The following RAB31 variants were observed in gnomAD, a reference collection of about 807,000 sequenced individuals.
RAB31 encodes ras-related protein Rab-31.
In RAB31, 21 loss-of-function variants were observed where a neutral mutation model predicts 25.6. The observed-to-expected ratio is 0.82, with a 90% confidence interval of 0.58 to 1.18. RAB31 has a LOEUF of 1.18. RAB31 is among the 50% of genes most tolerant of loss of function. RAB31 has a pLI of 0.00. For missense variants in RAB31, 196 were observed against 250.1 expected, an observed-to-expected ratio of 0.78 and a Z score of 1.46; for synonymous variants, 87 against 84.0, an observed-to-expected ratio of 1.04 and a Z score of -0.20.
intron 3 of RAB31, among the ~76,000 whole-genome samples, chr18:9,809,235 T>G (rs984127388): frequency 2.6e-4 from 40 of 152,322 alleles, no homozygotes; most frequent in African/African-American, 9.6e-4. Flanking sequence ...CCCCACCCAC[T>G]GCACCAGTTT....
At chr18:9,782,942 G>A (rs191312649) in intron 2 of RAB31, among the ~76,000 whole-genome samples, 1 of 152,232 alleles carries the variant, frequency 6.6e-6, no homozygotes, top group African/African-American at 2.4e-5. Flanking sequence ...TAGGCTGGAT[G>A]AGGTTCTTAA....
At chr18:9,845,819 A>C (rs2143136105) in intron 6 of RAB31, 128 bp downstream of exon 6, 1 of 1,361,320 alleles carries the variant, frequency 7.3e-7, no homozygotes, top group Non-Finnish European at 9.6e-7. Flanking sequence ...CATGGATACA[A>C]AATCTACAGC....
chr18:9,755,847 C>T (rs2068258091), intron 1 of RAB31, among the ~76,000 whole-genome samples: 1 of 152,232 alleles, frequency 6.6e-6, no homozygotes, highest in South Asian at 2.1e-4. Flanking sequence ...GGGGCTTTTG[C>T]TGCCCTCTGC....
chr18:9,710,143 G>A (rs548886988), intron 1 of RAB31, among the ~76,000 whole-genome samples: 1 of 152,320 alleles, frequency 6.6e-6, no homozygotes, highest in Non-Finnish European at 1.5e-5. Flanking sequence ...CCAGGACACT[G>A]ATCAGGTGGC....
intron 3 of RAB31, among the ~76,000 whole-genome samples, chr18:9,795,288 T>G (rs1440412351): frequency 6.6e-6 from 1 of 152,178 alleles, no homozygotes; most frequent in Non-Finnish European, 1.5e-5. Context: ...CATAAAATTC[T>G]AGAAGATAAC....
intron 2 of RAB31, among the ~76,000 whole-genome samples, chr18:9,791,388 CTTTTTTTTTTTTTTTT>C (rs35523044): frequency 1.7e-5 from 1 of 59,568 alleles, no homozygotes; most frequent in African/African-American, 6.9e-5. Context: ...GAAACACAGT[CTTTTTTTTTTTTTTTT>C]TTTTTTTTTT....
intron 3 of RAB31, among the ~76,000 whole-genome samples, chr18:9,811,455 C>T (rs774732619): frequency 1.3e-4 from 20 of 152,132 alleles, no homozygotes; most frequent in Admixed American, 3.3e-4. Flanking sequence ...TGATGAGTAT[C>T]GTGGGAAAGA....
In RAB31 at chr18:9,768,545, G is replaced by GT. The variant is rs538198957; in HGVS notation, c.40-6724dup. On this transcript the variant is annotated intron_variant, in intron 1 of 6. Transcript: ENST00000578921. ...TATCCTTTGCCCACTTTTTGATGGG[G>GT]TTTTTTTTTCTTGTACGTTTGTTTA... is the stretch of plus-strand genomic sequence containing the variant. Among the ~76,000 whole-genome samples the GT allele has an allele frequency of 6.6e-3, 1,004 of 151,206 alleles. 8 individuals carry two copies. The highest frequency in any genetic ancestry group is 0.024 in the Middle Eastern group (7 of 292).
intron 3 of RAB31, among the ~76,000 whole-genome samples, 183 bp downstream of exon 3, chr18:9,792,418 G>T (rs2068465373): frequency 6.6e-6 from 1 of 152,168 alleles, no homozygotes; most frequent in Admixed American, 6.5e-5. Flanking sequence ...TACCTAGGGT[G>T]AGGCGGGGCT....
Position 9,832,386 on chromosome 18 carries a change from C to T in RAB31, c.381-13196C>T, listed in dbSNP as rs189571242. On this transcript the variant is annotated intron_variant, in intron 5 of 6. Coordinates refer to ENST00000578921, the MANE Select transcript of RAB31 (RefSeq NM_006868.4). ...AACCTCCTGAACATCCTGGAATGAC[C>T]GATGCAAAGTACACCCCACACGGTT... Among the ~76,000 whole-genome samples, 545 of 152,318 alleles carry T rather than the reference C, an allele frequency of 3.6e-3. 2 individuals are homozygous for T. Among genetic ancestry groups the T allele is most frequent in the Non-Finnish European group, 6.6e-3 (449 of 68,028 alleles).
At chr18:9,709,466 T>C (rs570046157) in intron 1 of RAB31, among the ~76,000 whole-genome samples, 1 of 152,314 alleles carries the variant, frequency 6.6e-6, no homozygotes, top group Non-Finnish European at 1.5e-5. Context: ...CGCATTCTTG[T>C]GCGAACTGAT....
chr18:9,814,970 G>A (rs2068593475), intron 4 of RAB31, 146 bp from the exon 5 acceptor site: 5 of 557,676 alleles, frequency 9.0e-6, no homozygotes, highest in Non-Finnish European at 1.6e-5. Context: ...ATTAACTTTT[G>A]TGCCTAGACA....
chr18:9,727,297 G>C (rs1292194000), intron 1 of RAB31, among the ~76,000 whole-genome samples: 2 of 152,172 alleles, frequency 1.3e-5, no homozygotes, highest in Non-Finnish European at 2.9e-5. Context: ...TGATTAAAAT[G>C]AGAAGCATAT....
chr18:9,766,631 C>G lies in RAB31; in HGVS notation c.40-8647C>G, dbSNP rs1185356982. 6.6e-6 allele frequency among the ~76,000 whole-genome samples: 1 copy of G among 152,166 alleles called. No individual in the cohort carries two copies. The highest frequency in any genetic ancestry group is 1.5e-5 in the Non-Finnish European group (1 of 68,016). ...GCCTCCTGAATTCCCTAACTTAACTCCTTGTCAATGCTGAAGATGCTGAAG... is the reference window on the plus strand; with the variant it reads ...GCCTCCTGAATTCCCTAACTTAACTGCTTGTCAATGCTGAAGATGCTGAAG... On this transcript the variant is annotated intron_variant, in intron 1 of 6. Coordinates refer to ENST00000578921, the MANE Select transcript of RAB31 (RefSeq NM_006868.4). This position sits in a 1 kb window ranked among gnomAD's most constrained non-coding sequence, Gnocchi z 4.3.
intron 6 of RAB31, among the ~76,000 whole-genome samples, chr18:9,851,188 A>C (rs1052742251): frequency 3.8e-5 from 5 of 132,116 alleles, no homozygotes; most frequent in African/African-American, 1.0e-4. Context: ...TTCTCACCCC[A>C]AAAAAAGTTA....
chr18:9,847,700 G>A (rs530169082), intron 6 of RAB31, among the ~76,000 whole-genome samples: 1 of 152,198 alleles, frequency 6.6e-6, no homozygotes, highest in South Asian at 2.1e-4. Context: ...AGCCACCTGG[G>A]TAGCTGGGAC....
chr18:9,788,581 T>C (rs746643915), intron 2 of RAB31, among the ~76,000 whole-genome samples: 5 of 152,326 alleles, frequency 3.3e-5, no homozygotes, highest in Admixed American at 2.6e-4. Flanking sequence ...TGAATCACTA[T>C]ATCAAAGGGA....
At chr18:9,827,576 A>G (rs949991232) in intron 5 of RAB31, among the ~76,000 whole-genome samples, 4 of 150,152 alleles carry the variant, frequency 2.7e-5, no homozygotes, top group African/African-American at 7.3e-5. Flanking sequence ...GTCTCTTAAC[A>G]TCTTACGGAA....
chr18:9,741,285 A>C, intron 1 of RAB31, among the ~76,000 whole-genome samples: 1 of 146,546 alleles, frequency 6.8e-6, no homozygotes, highest in Non-Finnish European at 1.5e-5. Context: ...CTGAGGCAGG[A>C]GAATTGCTTG....
Sources: allele counts gnomAD v4.1 joint callset (sites outside exome capture counted in the v4.1 genomes callset), GRCh38; gene constraint gnomAD v4.1.1; non-coding constraint Gnocchi (gnomAD v3.1); transcripts MANE v1.5; gene names NCBI Gene and HGNC (gene_info 2026-07-23, HGNC 2026-07-21).